ANKRD62: variants seen among roughly 807,000 people sequenced by gnomAD.
The protein encoded by ANKRD62 is ankyrin repeat domain 62.
ANKRD62 carries 61 observed loss-of-function variants against 98.8 expected under a neutral mutation model. The observed-to-expected ratio is 0.62, with a 90% CI of 0.50 to 0.76. ANKRD62 has a LOEUF of 0.76. ANKRD62 is among the 30% of genes least tolerant of loss of function. The pLI is 0.00. For synonymous variants in ANKRD62, 341 were observed against 367.9 expected (o/e 0.93, Z 0.84); for missense variants, 933 against 1,082.9 (o/e 0.86, Z 1.94).
At chr18:12,103,444 T>C (rs1178534030) in intron 7 of ANKRD62, among the ~76,000 whole-genome samples, 1 of 152,162 alleles carries the variant, frequency 6.6e-6, no homozygotes, top group East Asian at 1.9e-4. Flanking sequence ...AAAAAGTTCC[T>C]GAGTATTGTT....
intron 7 of ANKRD62, among the ~76,000 whole-genome samples, chr18:12,105,826 A>T (rs970041469): frequency 6.6e-6 from 1 of 152,212 alleles, no homozygotes; most frequent in Non-Finnish European, 1.5e-5. Context: ...CTGGGAAAAA[A>T]ATCTATTCAT....
downstream of ANKRD62, among the ~76,000 whole-genome samples, chr18:12,133,774 AT>A (rs575882842): frequency 2.8e-4 from 42 of 152,112 alleles, no homozygotes; most frequent in East Asian, 5.8e-3. Flanking sequence ...ACAAGAATGT[AT>A]TTTTTTACAC....
the ANKRD62 span, among the ~76,000 whole-genome samples, chr18:12,160,052 T>A: frequency 6.6e-6 from 1 of 152,214 alleles, no homozygotes; most frequent in African/African-American, 2.4e-5. Flanking sequence ...TGTTTTCTTA[T>A]AAACTTAGTT....
At chr18:12,107,694 C>T (rs369119297) in intron 8 of ANKRD62, among the ~76,000 whole-genome samples, 79 of 152,184 alleles carry the variant, frequency 5.2e-4, no homozygotes, top group African/African-American at 1.8e-3. Context: ...GAAAGACATC[C>T]TCTTATACAC....
In ANKRD62 at chr18:12,098,182, G is replaced by T. The variant is rs141206011; in HGVS notation, c.752+405G>T. Among the ~76,000 whole-genome samples, 5 of 152,252 alleles carry T rather than the reference G, an allele frequency of 3.3e-5. No individual in the cohort carries two copies. The East Asian group carries it at 7.7e-4, about 24-fold the overall frequency. The stretch of plus-strand genomic sequence containing the variant: ...ATGTAGCAGCTTTTCTTAGATAGAG[G>T]AGGGTCCCATGTTGTCCGCAGTGGG... On this transcript the variant is annotated intron_variant, in intron 5 of 13. Transcript: ENST00000587848.
intron 7 of ANKRD62, 108 bp downstream of exon 7, chr18:12,103,336 ATAG>A: frequency 1.7e-6 from 1 of 578,782 alleles, no homozygotes; most frequent in Non-Finnish European, 2.6e-6. Context: ...ATGTAATTTA[ATAG>A]TTAATTTTAA....
At chr18:12,108,395 A>G (rs961392297) in intron 8 of ANKRD62, among the ~76,000 whole-genome samples, 1 of 152,184 alleles carries the variant, frequency 6.6e-6, no homozygotes, top group Non-Finnish European at 1.5e-5. Flanking sequence ...GAAGTGCCAC[A>G]CTTTAAAAAC....
chr18:12,176,730 C>T, the ANKRD62 span, among the ~76,000 whole-genome samples: 2 of 117,760 alleles, frequency 1.7e-5, 1 homozygote, highest in Non-Finnish European at 3.5e-5. Flanking sequence ...AGAAATAGTG[C>T]TGTGAGGATT....
In ANKRD62 at chr18:12,122,372, G is replaced by A; in HGVS notation, c.1310G>A (p.Cys437Tyr). Residue 437 changes from cysteine (C) to tyrosine (Y), a missense_variant, in exon 11 of 14, where the codon TGT (cysteine) becomes TAT (tyrosine). By Grantham distance (194) the Cys-to-Tyr change is radical. This residue lies in a region of ANKRD62 where 549 missense variants were observed against 587.9 expected (regional missense o/e 0.93). Transcript: ENST00000587848. ...ACGRSIEDQK[C>Y]YCERLKVKFQ... ...GGAAGATCAATAGAGGATCAAAAAT[G>A]TTACTGTGAACGACTTAAAGTAAAA... 6.5e-7 allele frequency: 1 copy of A among 1,535,604 alleles called. No individual in the cohort carries two copies. The highest frequency in any genetic ancestry group is 1.2e-5 in the South Asian group (1 of 84,012).
chr18:12,113,725 T>C (rs1246800734), intron 8 of ANKRD62, among the ~76,000 whole-genome samples: 1 of 152,212 alleles, frequency 6.6e-6, no homozygotes, highest in Non-Finnish European at 1.5e-5. Flanking sequence ...AGTTCAGCCA[T>C]TGTGGAAAAC....
the ANKRD62 span, among the ~76,000 whole-genome samples, chr18:12,155,934 A>T: frequency 0.87 from 132,612 of 152,126 alleles, 58,021 homozygotes; most frequent in Middle Eastern, 0.98. Flanking sequence ...AAATTTCATG[A>T]TGAAATGTGA....
At chr18:12,119,466 G>A (rs1488315468) in intron 10 of ANKRD62, among the ~76,000 whole-genome samples, 2 of 151,624 alleles carry the variant, frequency 1.3e-5, no homozygotes, top group Non-Finnish European at 2.9e-5. Flanking sequence ...AGGTCAAGGT[G>A]CTGTCAAATT....
At chr18:12,132,142 T>C (rs1474244479), downstream of ANKRD62, among the ~76,000 whole-genome samples, 1 of 152,182 alleles carries the variant, frequency 6.6e-6, no homozygotes, top group African/African-American at 2.4e-5. Flanking sequence ...ATATTTTGCA[T>C]AGTGTCAGAT....
chr18:12,174,514 A>G, the ANKRD62 span, among the ~76,000 whole-genome samples: 18 of 152,306 alleles, frequency 1.2e-4, no homozygotes, highest in African/African-American at 4.3e-4. Context: ...CAGCTGTTTC[A>G]GCCTAGTTCA....
chr18:12,173,892 G>A, the ANKRD62 span, among the ~76,000 whole-genome samples: 1 of 152,172 alleles, frequency 6.6e-6, no homozygotes, highest in Non-Finnish European at 1.5e-5. Context: ...TTGTAGGTGA[G>A]CTGACCTTTC....
At chr18:12,124,442 A>G (rs1157420731) in intron 12 of ANKRD62, 122 bp downstream of exon 12, 8 of 412,374 alleles carry the variant, frequency 1.9e-5, no homozygotes, top group Non-Finnish European at 3.0e-5. Context: ...AAAATAAATG[A>G]TACTTATAGC....
intron 10 of ANKRD62, among the ~76,000 whole-genome samples, chr18:12,119,614 A>G (rs1260994906): frequency 6.6e-6 from 1 of 152,148 alleles, no homozygotes. Flanking sequence ...CTTGGCTCTC[A>G]TGATAAGACT....
rs1384292252 is a variant in ANKRD62, at chr18:12,122,442, A to G, written c.1380A>G (p.Leu460=). 22 of 1,535,464 alleles carry G rather than the reference A, an allele frequency of 1.4e-5. No homozygotes were observed. The highest frequency in any genetic ancestry group is 7.3e-5 in the East Asian group (3 of 40,828). The change falls in exon 11 of 14, where the codon CTA becomes CTG. Residue 460 remains leucine, a synonymous_variant. Coordinates refer to ENST00000587848, the MANE Select transcript of ANKRD62 (RefSeq NM_001277333.2). Reference sequence around the variant, plus strand: ...ATATTAGCGTACTACAAAAGGTACTATCTGAAACAGACAAAACCAAATCAC... The same window carrying G: ...ATATTAGCGTACTACAAAAGGTACTGTCTGAAACAGACAAAACCAAATCAC... ...KNNISVLQKV[L]SETDKTKSQS... is the part of the protein sequence containing the mutation.
downstream of ANKRD62, among the ~76,000 whole-genome samples, chr18:12,130,213 C>T (rs1280764006): frequency 6.6e-6 from 1 of 151,848 alleles, no homozygotes; most frequent in Non-Finnish European, 1.5e-5. Flanking sequence ...AAAAAAATAA[C>T]AACAGTTTCT....
Sources: gnomAD v4.1 joint callset for allele counts (sites outside exome capture counted in the v4.1 genomes callset) on GRCh38, gnomAD v4.1.1 for gene constraint, gnomAD v4.1.1 regional missense constraint, MANE v1.5 for transcripts, NCBI Gene and HGNC (gene_info 2026-07-23, HGNC 2026-07-21) for gene names.